Variants in MAP3K7 observed in about 807,000 individuals in gnomAD.
The protein encoded by MAP3K7 is TGF-beta activated kinase 1.
In MAP3K7, 21 loss-of-function variants were observed where a neutral mutation model predicts 84.8. The ratio of observed to expected loss-of-function variants is 0.25; its 90% confidence interval spans 0.18 to 0.36. The LOEUF (loss-of-function observed/expected upper bound fraction) is 0.36. Ranked by LOEUF, MAP3K7 falls within the 10% of genes least tolerant of loss-of-function variation. MAP3K7 has a pLI of 1.00. For missense variants in MAP3K7, 503 were observed against 747.7 expected (o/e 0.67, Z 3.82); for synonymous variants, 241 against 247.7 (o/e 0.97, Z 0.25).
At chr6:90,549,288 C>T (rs530175447) in intron 9 of MAP3K7, among the ~76,000 whole-genome samples, 28 of 152,052 alleles carry the variant, frequency 1.8e-4, no homozygotes, top group Admixed American at 9.2e-4. Context: ...TGAGGAGTGG[C>T]GAGGAGGTGT....
intron 12 of MAP3K7, among the ~76,000 whole-genome samples, chr6:90,538,325 A>C (rs112572014): frequency 1.0e-3 from 152 of 152,096 alleles, no homozygotes; most frequent in Middle Eastern, 3.4e-3. Flanking sequence ...GTGTGTTCTC[A>C]GTAAATTTGA....
At chr6:90,539,542 G>A (rs1409830415) in intron 12 of MAP3K7, among the ~76,000 whole-genome samples, 1 of 151,664 alleles carries the variant, frequency 6.6e-6, no homozygotes, top group Admixed American at 6.6e-5. Context: ...TTCTCTCTTT[G>A]CCTCTTCATA....
intron 12 of MAP3K7, chr6:90,542,321 G>C: frequency 2.0e-6 from 2 of 984,156 alleles, no homozygotes; most frequent in Non-Finnish European, 2.4e-6. Flanking sequence ...TTCTATTAAA[G>C]AAAGTGCACC....
chr6:90,533,365 T>C (rs796395769), intron 13 of MAP3K7, among the ~76,000 whole-genome samples: 1 of 152,278 alleles, frequency 6.6e-6, no homozygotes, highest in East Asian at 1.9e-4. Context: ...AGGAGAATGC[T>C]TACCATGGGG....
chr6:90,549,454 C>T (rs1165786665), intron 9 of MAP3K7, among the ~76,000 whole-genome samples: 2 of 152,152 alleles, frequency 1.3e-5, no homozygotes, highest in East Asian at 3.8e-4. Context: ...TTGGTACAGG[C>T]AAGGAGTAAG....
intron 12 of MAP3K7, among the ~76,000 whole-genome samples, chr6:90,537,741 T>C (rs1775725576): frequency 6.6e-6 from 1 of 151,976 alleles, no homozygotes; most frequent in Admixed American, 6.6e-5. Flanking sequence ...CTAGATTACT[T>C]TTCTGAATAC....
chr6:90,583,344 A>C (rs1777341715), intron 1 of MAP3K7, among the ~76,000 whole-genome samples: 1 of 152,180 alleles, frequency 6.6e-6, no homozygotes, highest in South Asian at 2.1e-4. Flanking sequence ...TGACACTGTA[A>C]ATCCAGTGGA....
chr6:90,518,622 T>C (rs926669763), intron 15 of MAP3K7, 60 bp from the exon 16 acceptor site: 3 of 859,356 alleles, frequency 3.5e-6, no homozygotes, highest in East Asian at 2.5e-5. Flanking sequence ...CTAGCTAAGA[T>C]GAGAGTCAAG....
intron 16 of MAP3K7, among the ~76,000 whole-genome samples, chr6:90,516,970 T>C (rs1158101324): frequency 6.6e-6 from 1 of 151,968 alleles, no homozygotes; most frequent in African/African-American, 2.4e-5. Context: ...CCTCTTTTTG[T>C]GTAGGAAGGA....
At chr6:90,538,844 T>C (rs78474386) in intron 12 of MAP3K7, among the ~76,000 whole-genome samples, 1,608 of 152,020 alleles carry the variant, frequency 0.011, 31 homozygotes, top group African/African-American at 0.037. Flanking sequence ...TAATTTTTCT[T>C]ATCAGTTAAG....
At position 90,516,249 on chromosome 6, in the gene MAP3K7, A is replaced by T. The variant is rs1354275578; in HGVS notation, c.*252T>A. ...TGCATATACAGCCACAGTTCACTGCATCTGTTTTGAAGTTGCAAAGTGCTG... is the reference window on the plus strand; with the variant it reads ...TGCATATACAGCCACAGTTCACTGCTTCTGTTTTGAAGTTGCAAAGTGCTG... On this transcript the variant is annotated 3_prime_UTR_variant, in exon 17 of 17. Coordinates refer to ENST00000369329, the MANE Select transcript of MAP3K7 (RefSeq NM_145331.3). 3 of 526,966 alleles carry T rather than the reference A, an allele frequency of 5.7e-6. No homozygotes were observed. In the Admixed American group the frequency reaches 1.1e-4, roughly 19 times the overall value. The allele number at this position is 526,966 out of a possible 1,614,324, so 32.6% of individuals were successfully genotyped here.
chr6:90,542,597 G>T, intron 12 of MAP3K7: 1 of 548,930 alleles, frequency 1.8e-6, no homozygotes, highest in Non-Finnish European at 2.3e-6. Flanking sequence ...AAATGGATGT[G>T]ACTTGGAGTC....
At chr6:90,557,882 A>C (rs1776383753) in intron 5 of MAP3K7, among the ~76,000 whole-genome samples, 1 of 152,236 alleles carries the variant, frequency 6.6e-6, no homozygotes, top group South Asian at 2.1e-4. Context: ...AAATGTGAAT[A>C]AACTTGCAAA....
intron 1 of MAP3K7, among the ~76,000 whole-genome samples, chr6:90,575,171 T>G (rs539488243): frequency 3.3e-5 from 5 of 152,146 alleles, no homozygotes; most frequent in Admixed American, 3.3e-4. Flanking sequence ...ACACTGGGGA[T>G]GAGAAGAAAA....
chr6:90,537,283 G>C (rs1474077468), intron 12 of MAP3K7: 2 of 151,942 alleles, frequency 1.3e-5, no homozygotes, highest in Non-Finnish European at 1.5e-5. Context: ...TCTGAAATCT[G>C]TATTACGTAA....
chr6:90,556,735 T>A, intron 5 of MAP3K7, 111 bp from the exon 6 acceptor site: 14 of 1,034,700 alleles, frequency 1.4e-5, no homozygotes, highest in Non-Finnish European at 1.9e-5. Flanking sequence ...ATGAATGTTA[T>A]CATTCAACTT....
intron 12 of MAP3K7, among the ~76,000 whole-genome samples, chr6:90,541,374 G>A (rs1321350671): frequency 6.6e-6 from 1 of 151,896 alleles, no homozygotes; most frequent in Admixed American, 6.6e-5. Flanking sequence ...CATTTACTTT[G>A]CTTAGGTAGC....
Position 90,523,719 on chromosome 6 carries a change from T to G in MAP3K7, c.1421A>C (p.Lys474Thr). 1 of 1,613,504 alleles carries G rather than the reference T, an allele frequency of 6.2e-7. No individual in the cohort carries two copies. Among genetic ancestry groups the G allele is most frequent in the East Asian group, 2.2e-5 (1 of 44,838 alleles). Reference protein sequence around the residue: ...MITTSGPTSEKPTRSHPWTPD... With the variant: ...MITTSGPTSETPTRSHPWTPD... ...GGTCCATGGATGACTTCGAGTTGGC[T>G]TTTCTGAGGTTGGTCCTGAGGTAGT... The change falls in exon 14 of 17, where the codon AAG becomes ACG. Residue 474 changes from lysine to threonine, a missense_variant. Transcript: ENST00000369329.
chr6:90,540,910 G>A (rs996108694), intron 12 of MAP3K7, among the ~76,000 whole-genome samples: 3 of 151,836 alleles, frequency 2.0e-5, no homozygotes. Flanking sequence ...TCTAACATCA[G>A]ATGAACTGCA....
Sources: gnomAD v4.1 joint callset for allele counts (sites outside exome capture counted in the v4.1 genomes callset) on GRCh38, gnomAD v4.1.1 for gene constraint, MANE v1.5 for transcripts, NCBI Gene and HGNC (gene_info 2026-07-23, HGNC 2026-07-21) for gene names.